Variants in IMMP2L observed in about 807,000 individuals in gnomAD.
IMMP2L encodes inner mitochondrial membrane peptidase subunit 2.
In IMMP2L, 18 loss-of-function variants were observed where a neutral mutation model predicts 19.3. The ratio of observed to expected loss-of-function variants is 0.93; its 90% CI spans 0.64 to 1.38. The LOEUF is 1.38. Ranked by LOEUF, IMMP2L falls within the 40% of genes most tolerant of loss-of-function variation. IMMP2L has a pLI of 0.00. For missense variants in IMMP2L, 233 were observed against 218.2 expected (o/e 1.07, Z -0.43); for synonymous variants, 76 against 73.0 (o/e 1.04, Z -0.21).
intron 3 of IMMP2L, among the ~76,000 whole-genome samples, chr7:111,334,000 C>T (rs1826143159): frequency 2.0e-5 from 3 of 151,946 alleles, no homozygotes; most frequent in Admixed American, 6.6e-5. Context: ...AGAAAAAAAC[C>T]TTTTCTTAAA....
chr7:111,139,347 T>C (rs868469045), intron 3 of IMMP2L, among the ~76,000 whole-genome samples: 1 of 152,114 alleles, frequency 6.6e-6, no homozygotes, highest in Non-Finnish European at 1.5e-5. Flanking sequence ...ACTAGGTTGG[T>C]ATTTCTTTTT....
intron 3 of IMMP2L, among the ~76,000 whole-genome samples, chr7:111,084,132 A>G (rs1022997167): frequency 6.6e-6 from 1 of 152,092 alleles, no homozygotes; most frequent in African/African-American, 2.4e-5. Flanking sequence ...GTTAGGAGAA[A>G]TTGCAGCAGC....
chr7:111,539,846 T>G (rs1248337363), intron 1 of IMMP2L, among the ~76,000 whole-genome samples: 3 of 152,210 alleles, frequency 2.0e-5, no homozygotes, highest in Non-Finnish European at 4.4e-5. Flanking sequence ...TATAGGCCTT[T>G]CTTTGTGCTA....
chr7:111,441,518 G>A (rs950881801), intron 3 of IMMP2L, among the ~76,000 whole-genome samples: 3 of 151,598 alleles, frequency 2.0e-5, no homozygotes, highest in South Asian at 2.1e-4. Flanking sequence ...TATGAGTGTG[G>A]GTCATGGTGC....
intron 3 of IMMP2L, among the ~76,000 whole-genome samples, chr7:111,054,637 G>T (rs573938581): frequency 1.3e-5 from 2 of 152,154 alleles, no homozygotes; most frequent in Non-Finnish European, 2.9e-5. Context: ...TGAACACAAC[G>T]ATCAGAAATG....
chr7:111,124,877 GTTTACC>G, intron 3 of IMMP2L: 1 of 1,546,056 alleles, frequency 6.5e-7, no homozygotes. Context: ...ACTGTTATAG[GTTTACC>G]AACAAATATG....
chr7:111,560,465 T>C (rs1443003306), intron 1 of IMMP2L, among the ~76,000 whole-genome samples: 2 of 152,166 alleles, frequency 1.3e-5, no homozygotes, highest in African/African-American at 2.4e-5. Flanking sequence ...ATTATACTCG[T>C]ACACTGGAAA....
chr7:111,022,576 C>T (rs189518825), intron 3 of IMMP2L, among the ~76,000 whole-genome samples: 77 of 152,292 alleles, frequency 5.1e-4, no homozygotes, highest in African/African-American at 1.8e-3. Context: ...TAGTGAGTAG[C>T]TGTGGTTATG....
At position 111,171,887 on chromosome 7, in the gene IMMP2L, T is replaced by TA. The variant is rs527601244; in HGVS notation, c.240-208323dup. ...GGTAAAAAAAGATAAAATAAAGAATTAAAAATGCAGGGGCTAAGTAATAAG... is the reference window on the plus strand; with the variant it reads ...GGTAAAAAAAGATAAAATAAAGAATTAAAAAATGCAGGGGCTAAGTAATAAG... On this transcript the variant is annotated intron_variant, in intron 3 of 5. Transcript: ENST00000405709. Among the ~76,000 whole-genome samples the TA allele has an allele frequency of 6.8e-4, 101 of 148,134 alleles. 1 individual carries two copies. In the Middle Eastern group the frequency reaches 0.017, roughly 25 times the overall value.
At chr7:111,500,856 A>G (rs1305833400) in intron 2 of IMMP2L, among the ~76,000 whole-genome samples, 1 of 152,128 alleles carries the variant, frequency 6.6e-6, no homozygotes, top group African/African-American at 2.4e-5. Context: ...AAGTAGATAA[A>G]ACCACAAAGA....
chr7:111,428,838 C>G (rs558284138), intron 3 of IMMP2L, among the ~76,000 whole-genome samples: 1 of 151,932 alleles, frequency 6.6e-6, no homozygotes, highest in Non-Finnish European at 1.5e-5. Flanking sequence ...CCATAGTTGC[C>G]GTGAATCATT....
intron 3 of IMMP2L, among the ~76,000 whole-genome samples, chr7:111,265,595 A>C (rs1817746090): frequency 6.6e-6 from 1 of 152,176 alleles, no homozygotes; most frequent in Non-Finnish European, 1.5e-5. Flanking sequence ...CTAGGGTTTC[A>C]AAGGGTAGAA....
At chr7:110,752,092 A>G (rs1797759327) in intron 5 of IMMP2L, among the ~76,000 whole-genome samples, 1 of 152,070 alleles carries the variant, frequency 6.6e-6, no homozygotes, top group Non-Finnish European at 1.5e-5. Flanking sequence ...AAGTTTGAGA[A>G]CCACTGCTTA....
intron 1 of IMMP2L, among the ~76,000 whole-genome samples, chr7:111,560,390 T>C (rs1791895780): frequency 6.6e-6 from 1 of 152,172 alleles, no homozygotes; most frequent in African/African-American, 2.4e-5. Context: ...TCCTTTACAC[T>C]CTCCATGATT....
At chr7:111,126,286 CAT>C in intron 3 of IMMP2L, among the ~76,000 whole-genome samples, 1 of 152,186 alleles carries the variant, frequency 6.6e-6, no homozygotes, top group East Asian at 1.9e-4. Flanking sequence ...AAGGAAACAA[CAT>C]GTTTCAGTCC....
chr7:111,130,986 C>A (rs547828425), intron 3 of IMMP2L, among the ~76,000 whole-genome samples: 80 of 151,934 alleles, frequency 5.3e-4, no homozygotes, highest in African/African-American at 1.9e-3. Flanking sequence ...ACAGAACTTT[C>A]ATATTAAATC....
chr7:111,160,533 C>A (rs1213871473), intron 3 of IMMP2L, among the ~76,000 whole-genome samples: 2 of 151,806 alleles, frequency 1.3e-5, no homozygotes, highest in Non-Finnish European at 2.9e-5. Flanking sequence ...TCAACTGGCT[C>A]TTTACTCTTT....
intron 4 of IMMP2L, among the ~76,000 whole-genome samples, chr7:110,922,386 G>C (rs2129550623): frequency 6.6e-6 from 1 of 152,182 alleles, no homozygotes; most frequent in African/African-American, 2.4e-5. Flanking sequence ...GATCCTGATA[G>C]ATAATAAATG....
intron 5 of IMMP2L, among the ~76,000 whole-genome samples, chr7:110,677,769 G>A (rs1420143072): frequency 6.6e-6 from 1 of 152,302 alleles, no homozygotes; most frequent in East Asian, 1.9e-4. Flanking sequence ...GAAAGCAATG[G>A]AGGAGTGGAG....
Sources: allele counts gnomAD v4.1 joint callset (sites outside exome capture counted in the v4.1 genomes callset), GRCh38; gene constraint gnomAD v4.1.1; transcripts MANE v1.5; gene names NCBI Gene and HGNC (gene_info 2026-07-23, HGNC 2026-07-21).